The following GRID2 variants were observed in gnomAD, a reference collection of about 807,000 sequenced individuals.
GRID2 encodes glutamate receptor ionotropic, delta-2.
In GRID2, 33 loss-of-function variants were observed where a neutral mutation model predicts 114.8. The ratio of observed to expected loss-of-function variants is 0.29; its 90% CI spans 0.22 to 0.38. The LOEUF (loss-of-function observed/expected upper bound fraction) is 0.38. Among genes scored for constraint, GRID2 ranks in the 10% least tolerant of loss-of-function variants. GRID2 has a pLI of 1.00. For synonymous variants in GRID2, 505 were observed against 449.9 expected (o/e 1.12, Z -1.55); for missense variants, 1,184 against 1,257.7 (o/e 0.94, Z 0.89).
chr4:93,438,666 G>A (rs973403548), intron 10 of GRID2, among the ~76,000 whole-genome samples: 2 of 151,968 alleles, frequency 1.3e-5, no homozygotes, highest in Non-Finnish European at 2.9e-5. Context: ...TCTGAGGAAA[G>A]TTAATATTCT....
chr4:92,477,796 A>G (rs1023373192), intron 1 of GRID2, among the ~76,000 whole-genome samples: 2 of 147,568 alleles, frequency 1.4e-5, no homozygotes, highest in African/African-American at 4.9e-5. Flanking sequence ...ATTAATATAC[A>G]TATAATACAT....
chr4:92,935,694 A>G (rs1051370064), intron 2 of GRID2, among the ~76,000 whole-genome samples: 3 of 147,152 alleles, frequency 2.0e-5, no homozygotes, highest in East Asian at 2.1e-4. Flanking sequence ...ACCATGGAAT[A>G]CTATGCAGCC....
Position 93,560,856 on chromosome 4 carries a change from C to T in GRID2, c.2193+45445C>T, listed in dbSNP as rs111858485. On this transcript the variant is annotated intron_variant, in intron 13 of 15. Transcript: ENST00000282020. ...TTGTTTTCTTTAGATATTTTACCCA[C>T]GGTTTCTATTTTTAATTTCAATGCT... 1.4e-3 allele frequency among the ~76,000 whole-genome samples: 220 copies of T among 151,982 alleles called. 1 individual carries two copies. Among genetic ancestry groups the T allele is most frequent in the African/African-American group, 4.8e-3 (198 of 41,500 alleles).
chr4:92,802,681 T>C (rs1466802458), intron 2 of GRID2, among the ~76,000 whole-genome samples: 1 of 151,986 alleles, frequency 6.6e-6, no homozygotes, highest in African/African-American at 2.4e-5. Flanking sequence ...GATCTATTTG[T>C]GGGCTCCCTA....
chr4:92,339,599 A>G (rs1378933016), intron 1 of GRID2, among the ~76,000 whole-genome samples: 1 of 152,176 alleles, frequency 6.6e-6, no homozygotes, highest in African/African-American at 2.4e-5. Context: ...GAGACAAACA[A>G]CAGGTAATTA....
At chr4:93,582,167 G>A (rs1578312415) in intron 13 of GRID2, among the ~76,000 whole-genome samples, 1 of 152,190 alleles carries the variant, frequency 6.6e-6, no homozygotes, top group East Asian at 1.9e-4. Context: ...GGTTTTAGGA[G>A]AGAGCCCATT....
chr4:92,398,530 C>G (rs1730620313), intron 1 of GRID2, among the ~76,000 whole-genome samples: 4 of 152,148 alleles, frequency 2.6e-5, no homozygotes, highest in African/African-American at 7.2e-5. Context: ...AACTCCTGGG[C>G]TCAAGTGATC....
chr4:93,648,593 A>G (rs1722318466), intron 14 of GRID2, among the ~76,000 whole-genome samples: 1 of 152,192 alleles, frequency 6.6e-6, no homozygotes, highest in Admixed American at 6.5e-5. Context: ...CTCTAACACA[A>G]TGGTTCTCCA....
downstream of GRID2, among the ~76,000 whole-genome samples, chr4:93,775,348 G>T (rs1439239461): frequency 1.3e-5 from 2 of 152,070 alleles, no homozygotes; most frequent in Non-Finnish European, 2.9e-5. Flanking sequence ...TTAAAACTCT[G>T]CCACCCTTCA....
intron 1 of GRID2, among the ~76,000 whole-genome samples, chr4:92,365,613 T>C (rs767042171): frequency 6.6e-6 from 1 of 151,932 alleles, no homozygotes; most frequent in Non-Finnish European, 1.5e-5. Context: ...AATATTGTAT[T>C]ATATATTTCA....
At chr4:92,419,280 T>C (rs1731772220) in intron 1 of GRID2, among the ~76,000 whole-genome samples, 1 of 152,078 alleles carries the variant, frequency 6.6e-6, no homozygotes, top group Non-Finnish European at 1.5e-5. Flanking sequence ...GGAAAGGGAA[T>C]GTGATTTAAA....
At chr4:93,317,711 T>A (rs1756809206) in intron 8 of GRID2, among the ~76,000 whole-genome samples, 1 of 151,938 alleles carries the variant, frequency 6.6e-6, no homozygotes, top group East Asian at 1.9e-4. Context: ...TTATTTTCTT[T>A]GCGAGTGAGC....
chr4:93,195,352 T>G (rs901192272), intron 4 of GRID2, among the ~76,000 whole-genome samples: 1 of 152,114 alleles, frequency 6.6e-6, no homozygotes, highest in African/African-American at 2.4e-5. Flanking sequence ...TGTGGGCAAA[T>G]AGGTCTCAAT....
intron 4 of GRID2, among the ~76,000 whole-genome samples, chr4:93,167,394 G>A (rs929439121): frequency 3.3e-5 from 5 of 152,082 alleles, no homozygotes; most frequent in Non-Finnish European, 7.4e-5. Context: ...AATCCATCAA[G>A]GTATGCTAGT....
At chr4:92,520,587 A>T (rs1724720569) in intron 1 of GRID2, among the ~76,000 whole-genome samples, 1 of 151,892 alleles carries the variant, frequency 6.6e-6, no homozygotes, top group East Asian at 1.9e-4. Context: ...CATTGATCTT[A>T]ATCACAGGGA....
intron 14 of GRID2, among the ~76,000 whole-genome samples, chr4:93,661,734 A>G (rs1459767008): frequency 1.3e-5 from 2 of 152,200 alleles, no homozygotes; most frequent in African/African-American, 4.8e-5. Flanking sequence ...TTTATGGACT[A>G]TCACTACCAT....
chr4:92,661,544 G>A lies in GRID2; in HGVS notation c.244+71258G>A, dbSNP rs536186053. Reference sequence around the variant, plus strand: ...TTAATGAACATTTATTGATGCAAATGAAAATTATATAAATATTCTGAAATG... The same window carrying A: ...TTAATGAACATTTATTGATGCAAATAAAAATTATATAAATATTCTGAAATG... On this transcript the variant is annotated intron_variant, in intron 2 of 15. Coordinates refer to ENST00000282020, the MANE Select transcript of GRID2 (RefSeq NM_001510.4). 3.3e-5 allele frequency among the ~76,000 whole-genome samples: 5 copies of A among 150,924 alleles called. No individual in the cohort carries two copies. In the South Asian group the frequency reaches 1.0e-3, roughly 31 times the overall value.
intron 13 of GRID2, among the ~76,000 whole-genome samples, chr4:93,536,403 C>A (rs1208763350): frequency 6.6e-6 from 1 of 151,778 alleles, no homozygotes; most frequent in Non-Finnish European, 1.5e-5. Flanking sequence ...TAAACCAATG[C>A]ATATACAGTC....
chr4:93,509,322 G>A (rs1728943026), intron 12 of GRID2, among the ~76,000 whole-genome samples: 1 of 152,154 alleles, frequency 6.6e-6, no homozygotes, highest in Non-Finnish European at 1.5e-5. Flanking sequence ...CTTGATGAGA[G>A]TAGATGAGGT....
Sources: gnomAD v4.1 joint callset for allele counts (sites outside exome capture counted in the v4.1 genomes callset) on GRCh38, gnomAD v4.1.1 for gene constraint, MANE v1.5 for transcripts, NCBI Gene and HGNC (gene_info 2026-07-23, HGNC 2026-07-21) for gene names.